NRG2: variants seen among roughly 807,000 people sequenced by gnomAD.
NRG2 encodes the protein neuregulin 2.
Under a neutral mutation model 73.9 loss-of-function variants are expected in NRG2, and 27 were observed. The observed-to-expected ratio is 0.37, with a 90% CI of 0.27 to 0.50. The LOEUF is 0.50. Among genes scored for constraint, NRG2 ranks in the 20% least tolerant of loss-of-function variants. The probability of loss-of-function intolerance (pLI) is 0.96; values close to 1 mark genes in which losing one functional copy is unlikely to be tolerated. For missense variants in NRG2, 1,126 were observed against 1,210.1 expected, an observed-to-expected ratio of 0.93 and a Z score of 1.03; for synonymous variants, 532 against 541.0, an observed-to-expected ratio of 0.98 and a Z score of 0.23.
rs781269484 is a variant in NRG2, at chr5:139,871,712, G to T, written c.1112+9C>A. ...CTTGCTCCCATGCCCACCCCTACTG[G>T]TCACTTACTTGCAGGAGAGCTGGTT... is the stretch of plus-strand genomic sequence containing the variant. On this transcript the variant is annotated intron_variant, in intron 4 of 9. Coordinates refer to ENST00000361474, the MANE Select transcript of NRG2 (RefSeq NM_004883.3). 6.2e-7 allele frequency: 1 copy of T among 1,613,888 alleles called. No individual in the cohort carries two copies. The highest frequency in any genetic ancestry group is 1.7e-5 in the Admixed American group (1 of 60,006).
At chr5:139,886,846 A>G (rs1050583503) in intron 2 of NRG2, among the ~76,000 whole-genome samples, 25 of 152,222 alleles carry the variant, frequency 1.6e-4, no homozygotes, top group Non-Finnish European at 5.9e-5. Context: ...AGAGTTCTCC[A>G]ACACCAATCA....
In NRG2 at chr5:140,043,106, G is replaced by T. The variant is rs745629833; in HGVS notation, c.-37C>A. 5 of 1,565,638 alleles carry T rather than the reference G, an allele frequency of 3.2e-6. No individual in the cohort carries two copies. In the South Asian group the frequency reaches 4.5e-5, roughly 14 times the overall value. On this transcript the variant is annotated 5_prime_UTR_variant, in exon 1 of 10. Coordinates refer to ENST00000361474, the MANE Select transcript of NRG2 (RefSeq NM_004883.3). This position sits in a 1 kb window ranked among gnomAD's most constrained non-coding sequence, Gnocchi z 6.7. ...ATTTGGGGGGCTCCGCCGCTCAGCCGCCGCCGCCTTGGGAGGGGAAACAGA... is the reference window on the plus strand; with the variant it reads ...ATTTGGGGGGCTCCGCCGCTCAGCCTCCGCCGCCTTGGGAGGGGAAACAGA...
chr5:139,949,130 G>A (rs1054692178), intron 1 of NRG2, among the ~76,000 whole-genome samples: 7 of 152,060 alleles, frequency 4.6e-5, no homozygotes, highest in Non-Finnish European at 8.8e-5. Context: ...ATAATCTCCT[G>A]TTTCCTCTCT....
In NRG2 at chr5:139,880,836, C is replaced by G. The variant is rs149285649; in HGVS notation, c.991+20G>C. The G allele has an allele frequency of 1.1e-3, 1,816 of 1,605,262 alleles. 20 individuals are homozygous for G. In the African/African-American group the frequency reaches 0.022, roughly 19 times the overall value. On this transcript the variant is annotated intron_variant, in intron 3 of 9. Coordinates refer to ENST00000361474, the MANE Select transcript of NRG2 (RefSeq NM_004883.3). Reference sequence around the variant, plus strand: ...TGCCAAACCCCTCTAGGACCCTTCCCTCTGTCTGGGCCCACCTACCGCTGT... The same window carrying G: ...TGCCAAACCCCTCTAGGACCCTTCCGTCTGTCTGGGCCCACCTACCGCTGT...
intron 3 of NRG2, among the ~76,000 whole-genome samples, chr5:139,873,480 A>T (rs977531002): frequency 6.6e-6 from 1 of 152,202 alleles, no homozygotes; most frequent in Non-Finnish European, 1.5e-5. Flanking sequence ...CACACAGGAG[A>T]GTGGAGAGAG....
chr5:140,000,122 C>T (rs265152), intron 1 of NRG2, among the ~76,000 whole-genome samples: 34,038 of 152,178 alleles, frequency 0.22, 4,061 homozygotes, highest in African/African-American at 0.27. Context: ...GACCTATAAA[C>T]GCCCACAGAT....
At chr5:139,905,227 C>T (rs1165537870) in intron 1 of NRG2, among the ~76,000 whole-genome samples, 3 of 152,318 alleles carry the variant, frequency 2.0e-5, no homozygotes, top group Admixed American at 6.5e-5. Context: ...ACCCCCGCCC[C>T]GGTCCCACAA....
chr5:140,028,578 G>A (rs1399547068), intron 1 of NRG2, among the ~76,000 whole-genome samples: 1 of 152,182 alleles, frequency 6.6e-6, no homozygotes. Context: ...TGAGACCCTG[G>A]CTCCTGAACC....
At chr5:139,902,930 CT>C (rs2127173015) in intron 1 of NRG2, among the ~76,000 whole-genome samples, 1 of 152,282 alleles carries the variant, frequency 6.6e-6, no homozygotes. Flanking sequence ...GGGCAAAGAG[CT>C]TTTCTCTTAA....
chr5:139,985,856 C>T (rs929897334), intron 1 of NRG2, among the ~76,000 whole-genome samples: 1 of 152,090 alleles, frequency 6.6e-6, no homozygotes, highest in Non-Finnish European at 1.5e-5. Flanking sequence ...GGGCAATTAT[C>T]CACACTCCCC....
intron 1 of NRG2, among the ~76,000 whole-genome samples, chr5:139,988,273 A>G (rs1757327018): frequency 6.6e-6 from 1 of 152,086 alleles, no homozygotes; most frequent in African/African-American, 2.4e-5. Flanking sequence ...TACTCTTACC[A>G]TATAATCCAG....
chr5:139,960,429 C>T (rs1476566104), intron 1 of NRG2, among the ~76,000 whole-genome samples: 6 of 152,150 alleles, frequency 3.9e-5, no homozygotes, highest in South Asian at 4.1e-4. Context: ...GCAGGAGAAT[C>T]GCTGAAACCC....
intron 1 of NRG2, among the ~76,000 whole-genome samples, chr5:139,938,789 A>G (rs1347622534): frequency 2.6e-5 from 4 of 151,084 alleles, no homozygotes; most frequent in African/African-American, 7.3e-5. Flanking sequence ...TCTTGGGGGG[A>G]AAAGGATAAT....
intron 1 of NRG2, among the ~76,000 whole-genome samples, chr5:139,931,585 T>C (rs577851410): frequency 6.6e-6 from 1 of 152,280 alleles, no homozygotes; most frequent in South Asian, 2.1e-4. Flanking sequence ...GATCCAGATA[T>C]TGGATTTAGA....
At chr5:139,966,780 T>C (rs1020641513) in intron 1 of NRG2, among the ~76,000 whole-genome samples, 2 of 152,036 alleles carry the variant, frequency 1.3e-5, no homozygotes, top group Non-Finnish European at 2.9e-5. Flanking sequence ...GAGCTGCTGA[T>C]GGGCTACAAA....
At chr5:139,890,473 C>CTTT (rs11288649) in intron 1 of NRG2, among the ~76,000 whole-genome samples, 16 of 105,810 alleles carry the variant, frequency 1.5e-4, no homozygotes, top group East Asian at 2.8e-4. Context: ...TTCTTTCTTT[C>CTTT]TTTTTTTTTT....
chr5:139,987,772 G>GTTT (rs374160865), intron 1 of NRG2, among the ~76,000 whole-genome samples: 48 of 126,124 alleles, frequency 3.8e-4, no homozygotes, highest in Admixed American at 5.7e-4. Context: ...TCTGCAGGTT[G>GTTT]TTTTTTTTTT....
At chr5:139,880,661 G>GCT (rs1349775249) in intron 3 of NRG2, among the ~76,000 whole-genome samples, 195 bp downstream of exon 3, 2 of 151,954 alleles carry the variant, frequency 1.3e-5, no homozygotes, top group African/African-American at 2.4e-5. Flanking sequence ...TCCAGGCCCA[G>GCT]ATAACAAAGC....
At chr5:139,884,857 G>T (rs1243654779) in intron 2 of NRG2, among the ~76,000 whole-genome samples, 1 of 152,202 alleles carries the variant, frequency 6.6e-6, no homozygotes, top group Non-Finnish European at 1.5e-5. Flanking sequence ...GCCAAGAGTG[G>T]GACAGAGGAG....
Sources: allele counts gnomAD v4.1 joint callset (sites outside exome capture counted in the v4.1 genomes callset), GRCh38; gene constraint gnomAD v4.1.1; non-coding constraint Gnocchi (gnomAD v3.1); transcripts MANE v1.5; gene names NCBI Gene and HGNC (gene_info 2026-07-23, HGNC 2026-07-21).